Variants in MED13L observed in about 807,000 individuals in gnomAD.
MED13L encodes the protein mediator complex subunit 13L.
Under a neutral mutation model 220.9 loss-of-function variants are expected in MED13L, and 7 were observed. The ratio of observed to expected loss-of-function variants is 0.03; its 90% CI spans 0.02 to 0.06. The LOEUF is 0.06. Ranked by LOEUF, MED13L falls within the 10% of genes least tolerant of loss-of-function variation. MED13L has a pLI of 1.00. For missense variants in MED13L, 1,965 were observed against 2,760.5 expected (o/e 0.71, Z 6.46); for synonymous variants, 1,011 against 1,015.2 (o/e 1.00, Z 0.08).
chr12:116,201,810 T>TA (rs1288910578), intron 2 of MED13L, among the ~76,000 whole-genome samples: 38 of 152,268 alleles, frequency 2.5e-4, no homozygotes, highest in African/African-American at 7.7e-4. Context: ...ACATTACAAA[T>TA]ATGTCTTTTT....
intron 2 of MED13L, among the ~76,000 whole-genome samples, chr12:116,197,068 C>CA (rs1304360321): frequency 6.6e-6 from 1 of 152,176 alleles, no homozygotes; most frequent in Non-Finnish European, 1.5e-5. Context: ...TCTCTCAAGA[C>CA]AAAGCATACT....
Position 116,019,866 on chromosome 12 carries a change from C to A in MED13L, c.732G>T (p.Pro244=). The change falls in exon 6 of 31, where the codon CCG becomes CCT. Residue 244 remains proline, a synonymous_variant. Coordinates refer to ENST00000281928, the MANE Select transcript of MED13L (RefSeq NM_015335.5). ...ATTCTTCTTTCTTTTTTAGCACCATCGGGTAGAAATACTGCCATTCCTCAA... is the reference window on the plus strand; with the variant it reads ...ATTCTTCTTTCTTTTTTAGCACCATAGGGTAGAAATACTGCCATTCCTCAA... The part of the protein sequence containing the change: ...KLIEEWQYFY[P]MVLKKKEESK... 1 of 1,613,914 alleles carries A rather than the reference C, an allele frequency of 6.2e-7. No individual in the cohort carries two copies. Among genetic ancestry groups the A allele is most frequent in the Non-Finnish European group, 8.5e-7 (1 of 1,179,942 alleles).
Position 116,083,390 on chromosome 12 carries a change from A to G in MED13L, c.479+13279T>C, listed in dbSNP as rs141779072. 6.7e-3 allele frequency among the ~76,000 whole-genome samples: 871 copies of G among 129,960 alleles called. 6 individuals are homozygous for G. The highest frequency in any genetic ancestry group is 0.01 in the Non-Finnish European group (642 of 63,990). 85.3% of individuals were successfully genotyped at this position (129,960 alleles called of 152,430 possible). On this transcript the variant is annotated intron_variant, in intron 4 of 30. Transcript: ENST00000281928. ...GCACTTCAGCCTGGAAGACAGAGCG[A>G]GACTGTCTCGAGGGAAAAAAAAAAA...
At chr12:115,980,619 C>T (rs935246844) in intron 23 of MED13L, 131 bp downstream of exon 23, 1 of 988,204 alleles carries the variant, frequency 1.0e-6, no homozygotes, top group Non-Finnish European at 1.6e-6. Context: ...CCAACACATC[C>T]AGCCTAGCAA....
At chr12:115,982,304 A>G (rs1240240449) in intron 22 of MED13L, 80 bp downstream of exon 22, 7 of 1,424,740 alleles carry the variant, frequency 4.9e-6, no homozygotes, top group Non-Finnish European at 5.9e-6. Context: ...TTTTTTAAGA[A>G]AAATCATAGG....
intron 4 of MED13L, among the ~76,000 whole-genome samples, chr12:116,068,525 T>C (rs1377649537): frequency 6.6e-6 from 1 of 152,096 alleles, no homozygotes; most frequent in East Asian, 1.9e-4. Flanking sequence ...GATGGCAAAA[T>C]CTTGACACAG....
chr12:116,026,102 T>C (rs181858274), intron 4 of MED13L, among the ~76,000 whole-genome samples: 1 of 151,908 alleles, frequency 6.6e-6, no homozygotes, highest in East Asian at 1.9e-4. Context: ...AAGAGAAGGA[T>C]ATAGTTTGGA....
At chr12:115,984,798 C>T (rs1456988103) in intron 19 of MED13L, among the ~76,000 whole-genome samples, 1 of 152,034 alleles carries the variant, frequency 6.6e-6, no homozygotes, top group Non-Finnish European at 1.5e-5. Context: ...TATGGGCCAT[C>T]TGTTCTGTTA....
chr12:115,980,655 C>T (rs1877263031), intron 23 of MED13L, 95 bp downstream of exon 23: 1 of 1,362,942 alleles, frequency 7.3e-7, no homozygotes, highest in Non-Finnish European at 1.0e-6. Context: ...AGAAGACCAA[C>T]TAAGCAACCA....
At chr12:116,048,986 C>T (rs922955934) in intron 4 of MED13L, among the ~76,000 whole-genome samples, 3 of 152,136 alleles carry the variant, frequency 2.0e-5, no homozygotes, top group African/African-American at 7.2e-5. Context: ...AAGACATTTG[C>T]ACTTTTAGCA....
chr12:116,075,654 G>A (rs913718425), intron 4 of MED13L, among the ~76,000 whole-genome samples: 1 of 152,086 alleles, frequency 6.6e-6, no homozygotes, highest in Non-Finnish European at 1.5e-5. Flanking sequence ...TGTAGCTTTC[G>A]ATCCTGCCAT....
chr12:116,031,983 A>C (rs1880880821), intron 4 of MED13L, among the ~76,000 whole-genome samples: 1 of 152,266 alleles, frequency 6.6e-6, no homozygotes, highest in East Asian at 1.9e-4. Flanking sequence ...CCTACAAAAA[A>C]CTTAGAAAAT....
chr12:116,267,680 T>A (rs1198619752), intron 1 of MED13L, among the ~76,000 whole-genome samples: 2 of 152,198 alleles, frequency 1.3e-5, no homozygotes, highest in Non-Finnish European at 2.9e-5. Context: ...TTTACTGGGC[T>A]CATAGAAAAC....
At chr12:116,171,503 G>A (rs1469581084) in intron 2 of MED13L, among the ~76,000 whole-genome samples, 1 of 152,056 alleles carries the variant, frequency 6.6e-6, no homozygotes, top group Non-Finnish European at 1.5e-5. Context: ...TTCCTCTCTA[G>A]GCTAAACAAA....
intron 4 of MED13L, among the ~76,000 whole-genome samples, chr12:116,038,261 G>C (rs769243761): frequency 4.0e-5 from 6 of 151,868 alleles, no homozygotes; most frequent in African/African-American, 1.5e-4. Context: ...CATGGGGGAT[G>C]ATGAGGAACC....
chr12:116,228,806 C>G (rs995735028), intron 2 of MED13L, among the ~76,000 whole-genome samples: 1 of 152,146 alleles, frequency 6.6e-6, no homozygotes, highest in African/African-American at 2.4e-5. Flanking sequence ...ATATTTAAAC[C>G]TTTTCTTCAA....
At chr12:116,091,126 A>C (rs2137789592) in intron 4 of MED13L, among the ~76,000 whole-genome samples, 1 of 151,208 alleles carries the variant, frequency 6.6e-6, no homozygotes, top group Middle Eastern at 3.4e-3. Context: ...GTCTCAAAAA[A>C]AAAAAAAAAA....
intron 2 of MED13L, among the ~76,000 whole-genome samples, chr12:116,210,551 CTA>C (rs3043762): frequency 0.15 from 16,804 of 113,208 alleles, 1,196 homozygotes; most frequent in Middle Eastern, 0.18. Flanking sequence ...AGAACGTAAC[CTA>C]TATATATATA....
intron 1 of MED13L, among the ~76,000 whole-genome samples, chr12:116,248,057 G>A (rs953289044): frequency 6.6e-6 from 1 of 152,160 alleles, no homozygotes; most frequent in Non-Finnish European, 1.5e-5. Flanking sequence ...GAAAGACTAG[G>A]CTGGTGAGGA....
Sources: allele counts gnomAD v4.1 joint callset (sites outside exome capture counted in the v4.1 genomes callset), GRCh38; gene constraint gnomAD v4.1.1; transcripts MANE v1.5; gene names NCBI Gene and HGNC (gene_info 2026-07-23, HGNC 2026-07-21).